ADGRL3: variants seen among roughly 807,000 people sequenced by gnomAD.
The protein encoded by ADGRL3 is calcium-independent alpha-latrotoxin receptor 3.
Under a neutral mutation model 153.5 loss-of-function variants are expected in ADGRL3, and 62 were observed. The ratio of observed to expected loss-of-function variants is 0.40; its 90% CI spans 0.33 to 0.50. ADGRL3 has a LOEUF of 0.50. Among genes scored for constraint, ADGRL3 ranks in the 20% least tolerant of loss-of-function variants. The probability of loss-of-function intolerance (pLI) is 0.47; values close to 1 mark genes in which losing one functional copy is unlikely to be tolerated. For synonymous variants in ADGRL3, 710 were observed against 672.5 expected (o/e 1.06, Z -0.86); for missense variants, 1,641 against 1,859.4 (o/e 0.88, Z 2.16).
intron 1 of ADGRL3, among the ~76,000 whole-genome samples, chr4:61,222,647 G>C (rs948964141): frequency 6.6e-6 from 1 of 152,146 alleles, no homozygotes; most frequent in African/African-American, 2.4e-5. Flanking sequence ...GAATGGCAGG[G>C]ACTCATGTAA....
At chr4:61,744,652 G>T (rs547695423) in intron 8 of ADGRL3, among the ~76,000 whole-genome samples, 1 of 152,198 alleles carries the variant, frequency 6.6e-6, no homozygotes. Flanking sequence ...GCAGCTGAGG[G>T]TCCTATCTGT....
intron 5 of ADGRL3, among the ~76,000 whole-genome samples, chr4:61,619,055 C>T (rs1434318300): frequency 1.3e-5 from 2 of 152,052 alleles, no homozygotes; most frequent in Admixed American, 1.3e-4. Context: ...TTAAATGAGC[C>T]TTTAGGCAAA....
At chr4:62,051,086 T>C (rs1395704629) in intron 25 of ADGRL3, among the ~76,000 whole-genome samples, 2 of 150,032 alleles carry the variant, frequency 1.3e-5, no homozygotes, top group East Asian at 1.9e-4. Context: ...TATATATATA[T>C]ACACAAAGGA....
At chr4:61,255,280 C>G (rs1461014357) in intron 1 of ADGRL3, among the ~76,000 whole-genome samples, 1 of 152,176 alleles carries the variant, frequency 6.6e-6, no homozygotes. Flanking sequence ...ATAGTATATT[C>G]AGACTGATGC....
chr4:61,381,002 C>G lies in ADGRL3; in HGVS notation c.-239-2122C>G, dbSNP rs563223611. On this transcript the variant is annotated intron_variant, in intron 1 of 26. Transcript: ENST00000683033. Reference sequence around the variant, plus strand: ...CGCCTTTTTCTTTCTGGTGTTTTCCCTCACACCTGGTTGCCTTCTCATTAG... The same window carrying G: ...CGCCTTTTTCTTTCTGGTGTTTTCCGTCACACCTGGTTGCCTTCTCATTAG... Among the ~76,000 whole-genome samples the G allele has an allele frequency of 5.3e-5, 8 of 151,778 alleles. No individual in the cohort carries two copies. In the East Asian group the frequency reaches 1.2e-3, roughly 22 times the overall value.
At chr4:61,811,569 T>C (rs889744122) in intron 8 of ADGRL3, among the ~76,000 whole-genome samples, 2 of 152,102 alleles carry the variant, frequency 1.3e-5, no homozygotes, top group African/African-American at 4.8e-5. Context: ...TTGTAGTGTT[T>C]GCATAACTGT....
chr4:61,309,977 G>A (rs2094936523), intron 1 of ADGRL3, among the ~76,000 whole-genome samples: 2 of 151,730 alleles, frequency 1.3e-5, no homozygotes, highest in African/African-American at 4.8e-5. Flanking sequence ...TTATTTTTTG[G>A]CACTTGGCAC....
intron 9 of ADGRL3, among the ~76,000 whole-genome samples, chr4:61,890,382 C>T (rs543219175): frequency 2.0e-4 from 31 of 152,220 alleles, no homozygotes; most frequent in East Asian, 5.8e-4. Flanking sequence ...ATACCCAAGA[C>T]GGGGTAATTT....
intron 9 of ADGRL3, among the ~76,000 whole-genome samples, chr4:61,871,421 A>C (rs796678344): frequency 2.0e-4 from 30 of 152,286 alleles, no homozygotes; most frequent in African/African-American, 7.0e-4. Flanking sequence ...TGATTCATGG[A>C]ATCTCATTGT....
rs536156016 is a variant in ADGRL3, at chr4:61,736,750, G to A, written c.1399+3196G>A. On this transcript the variant is annotated intron_variant, in intron 8 of 26. Transcript: ENST00000683033. ...CTTTTAAAATGAATTCGTAACTTAA[G>A]TCAGGAGATTGAATTTCATTCCTTT... Among the ~76,000 whole-genome samples, 6 of 152,288 alleles carry A rather than the reference G, an allele frequency of 3.9e-5. No homozygotes were observed. The South Asian group carries it at 1.2e-3, about 32-fold the overall frequency.
intron 5 of ADGRL3, among the ~76,000 whole-genome samples, chr4:61,668,406 G>C (rs1458349149): frequency 6.6e-6 from 1 of 152,156 alleles, no homozygotes; most frequent in Non-Finnish European, 1.5e-5. Context: ...AGATAATTAA[G>C]TTGCATTCTT....
intron 25 of ADGRL3, among the ~76,000 whole-genome samples, chr4:62,049,693 A>T (rs1733093976): frequency 6.6e-6 from 1 of 152,134 alleles, no homozygotes; most frequent in Non-Finnish European, 1.5e-5. Context: ...TGTTAGGAGT[A>T]TGGTTGATAC....
intron 1 of ADGRL3, among the ~76,000 whole-genome samples, chr4:61,330,489 G>T (rs1414839579): frequency 6.6e-6 from 1 of 152,146 alleles, no homozygotes; most frequent in African/African-American, 2.4e-5. Flanking sequence ...TATGCCTGCA[G>T]CTTTCCCGGT....
At position 61,619,866 on chromosome 4, in the gene ADGRL3, G is replaced by T. The variant is rs75876518; in HGVS notation, c.473+32426G>T. Among the ~76,000 whole-genome samples the T allele has an allele frequency of 9.2e-3, 1,403 of 152,218 alleles. 28 individuals carry two copies. The highest frequency in any genetic ancestry group is 0.032 in the African/African-American group (1,317 of 41,528). On this transcript the variant is annotated intron_variant, in intron 5 of 26. Coordinates refer to ENST00000683033, the MANE Select transcript of ADGRL3 (RefSeq NM_001387552.1). ...ATGGAGGAGGCAAATTTAATTTCTG[G>T]AGCTTACTGCTAGCTAAGCAAAAAT... is the stretch of plus-strand genomic sequence containing the variant.
intron 2 of ADGRL3, chr4:61,385,442 AC>A (rs1387751814): frequency 2.0e-5 from 3 of 152,154 alleles, no homozygotes; most frequent in Non-Finnish European, 4.4e-5. Context: ...TTCAATGGCC[AC>A]CCCTTGCTCT....
At chr4:61,748,563 A>G (rs1018062939) in intron 8 of ADGRL3, among the ~76,000 whole-genome samples, 12 of 152,196 alleles carry the variant, frequency 7.9e-5, no homozygotes, top group Admixed American at 5.2e-4. Context: ...CTGCATATCT[A>G]CAACTATCTG....
At chr4:61,358,716 T>A (rs914664217) in intron 1 of ADGRL3, among the ~76,000 whole-genome samples, 1 of 152,152 alleles carries the variant, frequency 6.6e-6, no homozygotes. Flanking sequence ...CTTAGTTTTC[T>A]TCAATGATTT....
chr4:62,070,283 A>G lies in ADGRL3; in HGVS notation c.4007A>G (p.Glu1336Gly). The change falls in exon 27 of 27, where the codon GAA becomes GGA. Residue 1336 changes from glutamate (E) to glycine (G), a missense_variant. By Grantham distance (98) the Glu-to-Gly change is moderately conservative (BLOSUM62 -2). Transcript: ENST00000683033. ...GCCCTAGAGAAAAAGATTCTGAAGG[A>G]ACTCACTTCCAACTATATCCCTTCT... ...ETALEKKILK[E>G]LTSNYIPSYL... is the part of the protein sequence containing the mutation. 1 of 1,584,254 alleles carries G rather than the reference A, an allele frequency of 6.3e-7. No individual in the cohort carries two copies. Among genetic ancestry groups the G allele is most frequent in the South Asian group, 1.1e-5 (1 of 88,166 alleles).
Position 61,401,359 on chromosome 4 carries a change from C to T in ADGRL3, c.-174+18170C>T, listed in dbSNP as rs549328442. Among the ~76,000 whole-genome samples the T allele has an allele frequency of 2.7e-3, 411 of 151,934 alleles. 2 individuals carry two copies. Among genetic ancestry groups the T allele is most frequent in the Non-Finnish European group, 4.0e-3 (274 of 67,846 alleles). On this transcript the variant is annotated intron_variant, in intron 2 of 26. Transcript: ENST00000683033. ...GTGGAGAACATTTATTTTTGAAGAACACATTTAGCCCAGAGATAATAATCA... is the reference window on the plus strand; with the variant it reads ...GTGGAGAACATTTATTTTTGAAGAATACATTTAGCCCAGAGATAATAATCA...
Sources: allele counts gnomAD v4.1 joint callset (sites outside exome capture counted in the v4.1 genomes callset), GRCh38; gene constraint gnomAD v4.1.1; transcripts MANE v1.5; gene names NCBI Gene and HGNC (gene_info 2026-07-23, HGNC 2026-07-21).